Variants in HDAC9 observed in about 807,000 individuals in gnomAD.
The protein encoded by HDAC9 is histone deacetylase 9, also known as MEF-2 interacting transcription repressor (MITR) protein.
HDAC9 carries 41 observed loss-of-function variants against 139.4 expected under a neutral mutation model. That is an observed-to-expected ratio of 0.29 (90% CI 0.23 to 0.38). The LOEUF (loss-of-function observed/expected upper bound fraction) is 0.38. Ranked by LOEUF, HDAC9 falls within the 10% of genes least tolerant of loss-of-function variation. The pLI, the probability that HDAC9 is intolerant of heterozygous loss-of-function variation, is 1.00. For missense variants in HDAC9, 1,147 were observed against 1,297.0 expected, an observed-to-expected ratio of 0.88 and a Z score of 1.78; for synonymous variants, 517 against 476.2, an observed-to-expected ratio of 1.09 and a Z score of -1.12.
intron 1 of HDAC9, among the ~76,000 whole-genome samples, chr7:18,387,273 T>C (rs1786028108): frequency 6.6e-6 from 1 of 152,124 alleles, no homozygotes; most frequent in Admixed American, 6.5e-5. Context: ...TATGTGTAGA[T>C]TTTCAGCCAA....
chr7:18,447,995 A>G (rs1792452762), intron 1 of HDAC9, among the ~76,000 whole-genome samples: 2 of 152,080 alleles, frequency 1.3e-5, no homozygotes, highest in Admixed American at 6.6e-5. Context: ...CGTGCACCAC[A>G]ATACCTGGCT....
intron 1 of HDAC9, among the ~76,000 whole-genome samples, chr7:18,467,601 C>T (rs1024789855): frequency 5.3e-5 from 8 of 152,086 alleles, no homozygotes; most frequent in Admixed American, 5.2e-4. Flanking sequence ...ATAAAATAAA[C>T]ATTTTATTGT....
intron 24 of HDAC9, among the ~76,000 whole-genome samples, chr7:18,973,890 A>G (rs562958214): frequency 6.6e-6 from 1 of 152,264 alleles, no homozygotes; most frequent in African/African-American, 2.4e-5. Context: ...TCCATCACCC[A>G]TAATCTCTCC....
At chr7:18,392,210 A>G (rs1318176946) in intron 1 of HDAC9, among the ~76,000 whole-genome samples, 1 of 151,988 alleles carries the variant, frequency 6.6e-6, no homozygotes, top group East Asian at 1.9e-4. Flanking sequence ...AATATGATCC[A>G]CAAGTGTGCT....
intron 1 of HDAC9, among the ~76,000 whole-genome samples, chr7:18,480,682 G>C (rs1227885945): frequency 2.0e-5 from 3 of 152,142 alleles, no homozygotes; most frequent in African/African-American, 7.2e-5. Context: ...TGCAACACGT[G>C]TTTCTATAAC....
chr7:18,268,234 A>G (rs979907221), intron 2 of HDAC9, among the ~76,000 whole-genome samples: 8 of 152,132 alleles, frequency 5.3e-5, no homozygotes, highest in Admixed American at 1.3e-4. Flanking sequence ...TTTTGCAGCT[A>G]TTTTCAAAAA....
At chr7:18,488,994 T>C (rs1412820289) in intron 1 of HDAC9, among the ~76,000 whole-genome samples, 1 of 152,028 alleles carries the variant, frequency 6.6e-6, no homozygotes, top group East Asian at 1.9e-4. Context: ...TGGTTTATTT[T>C]TGTTATTAAA....
intron 2 of HDAC9, among the ~76,000 whole-genome samples, chr7:18,567,554 A>G (rs1199184993): frequency 2.6e-5 from 4 of 152,210 alleles, no homozygotes; most frequent in Non-Finnish European, 4.4e-5. Flanking sequence ...AATTTTGTGG[A>G]AAATAAGCAG....
chr7:18,313,878 A>G (rs955310663), intron 1 of HDAC9, among the ~76,000 whole-genome samples: 1 of 152,196 alleles, frequency 6.6e-6, no homozygotes, highest in Non-Finnish European at 1.5e-5. Context: ...GACTGCAATC[A>G]TGTTCACTTG....
intron 11 of HDAC9, among the ~76,000 whole-genome samples, chr7:18,658,899 C>CAAAAAAAAAAAAAACA (rs1792182283): frequency 2.5e-5 from 3 of 118,140 alleles, no homozygotes; most frequent in Admixed American, 8.2e-5. Flanking sequence ...AAAAAAAAAG[C>CAAAAAAAAAAAAAACA]AAAAAAAAAA....
At chr7:18,758,311 G>T (rs1789063182) in intron 14 of HDAC9, among the ~76,000 whole-genome samples, 1 of 152,050 alleles carries the variant, frequency 6.6e-6, no homozygotes, top group African/African-American at 2.4e-5. Flanking sequence ...ATATCCTTCG[G>T]ACCAAGTATC....
intron 6 of HDAC9, among the ~76,000 whole-genome samples, chr7:18,595,735 C>G (rs1403095378): frequency 6.6e-6 from 1 of 151,984 alleles, no homozygotes; most frequent in Non-Finnish European, 1.5e-5. Context: ...AGATTGAAAA[C>G]TGACTGCAGA....
chr7:18,805,998 G>T (rs1204711277), intron 17 of HDAC9, among the ~76,000 whole-genome samples: 1 of 152,200 alleles, frequency 6.6e-6, no homozygotes, highest in Non-Finnish European at 1.5e-5. Context: ...CTGTGGGTCA[G>T]CTGAGGAGTT....
At chr7:18,756,382 A>T (rs1215720935) in intron 14 of HDAC9, among the ~76,000 whole-genome samples, 1 of 152,210 alleles carries the variant, frequency 6.6e-6, no homozygotes, top group Non-Finnish European at 1.5e-5. Flanking sequence ...ACAGGATAGG[A>T]ATATGAGCTG....
chr7:18,667,996 T>A (rs927304154), intron 12 of HDAC9: 2 of 973,186 alleles, frequency 2.1e-6, no homozygotes, highest in African/African-American at 3.5e-5. Context: ...ATCCGAGGTA[T>A]TTCAAGGTGT....
chr7:18,229,478 T>C (rs1793301175), intron 2 of HDAC9, among the ~76,000 whole-genome samples: 1 of 152,200 alleles, frequency 6.6e-6, no homozygotes, highest in Non-Finnish European at 1.5e-5. Flanking sequence ...GTGCCGTGCC[T>C]GATGTGCCGA....
chr7:18,350,896 C>G (rs1382215688), intron 1 of HDAC9, among the ~76,000 whole-genome samples: 2 of 152,122 alleles, frequency 1.3e-5, no homozygotes, highest in African/African-American at 4.8e-5. Flanking sequence ...TTCCCAGGGG[C>G]CTTCTAGTTT....
At chr7:18,902,046 T>C (rs1801772992) in intron 22 of HDAC9, among the ~76,000 whole-genome samples, 1 of 152,174 alleles carries the variant, frequency 6.6e-6, no homozygotes, top group Admixed American at 6.5e-5. Flanking sequence ...CACAACTGCA[T>C]TGTGCTATGC....
intron 2 of HDAC9, among the ~76,000 whole-genome samples, chr7:18,233,737 C>T (rs1391400718): frequency 6.6e-6 from 1 of 152,138 alleles, no homozygotes; most frequent in Non-Finnish European, 1.5e-5. Flanking sequence ...TTCCTTGCCA[C>T]TTTTTGCAAG....
Sources: gnomAD v4.1 joint callset for allele counts (sites outside exome capture counted in the v4.1 genomes callset) on GRCh38, gnomAD v4.1.1 for gene constraint, MANE v1.5 for transcripts, NCBI Gene and HGNC (gene_info 2026-07-23, HGNC 2026-07-21) for gene names.